NRXN3: variants seen among roughly 807,000 people sequenced by gnomAD.
The protein encoded by NRXN3 is neurexin 3.
Under a neutral mutation model 137.6 loss-of-function variants are expected in NRXN3, and 32 were observed. The ratio of observed to expected loss-of-function variants is 0.23; its 90% confidence interval spans 0.18 to 0.31. NRXN3 has a LOEUF of 0.31. Ranked by LOEUF, NRXN3 falls within the 10% of genes least tolerant of loss-of-function variation. The pLI is 1.00. For synonymous variants in NRXN3, 798 were observed against 784.5 expected (o/e 1.02, Z -0.29); for missense variants, 1,574 against 2,062.5 (o/e 0.76, Z 4.59).
At chr14:79,116,249 T>C (rs1340619433) in intron 15 of NRXN3, among the ~76,000 whole-genome samples, 1 of 152,060 alleles carries the variant, frequency 6.6e-6, no homozygotes, top group African/African-American at 2.4e-5. Flanking sequence ...GTGGGGGTTG[T>C]CCTCCATTAC....
chr14:78,840,628 C>A (rs1160647092), intron 10 of NRXN3, among the ~76,000 whole-genome samples: 1 of 151,910 alleles, frequency 6.6e-6, no homozygotes, highest in Non-Finnish European at 1.5e-5. Flanking sequence ...ACTGAGGGAG[C>A]CTTTACTATC....
chr14:78,754,223 C>A (rs976462825), intron 8 of NRXN3, among the ~76,000 whole-genome samples: 2 of 152,124 alleles, frequency 1.3e-5, no homozygotes, highest in Non-Finnish European at 2.9e-5. Flanking sequence ...GGTAGGAACC[C>A]ACCACACTGG....
rs144208051 is a variant in NRXN3 at position 79,636,288 on chromosome 14, C to T, written c.3445-27490C>T. Among the ~76,000 whole-genome samples the T allele has an allele frequency of 4.6e-5, 7 of 152,328 alleles. No homozygotes were observed. The East Asian group carries it at 5.8e-4, about 13-fold the overall frequency. ...ACTGTACTTTTTCAGAATATCAGTA[C>T]GATGGTGCCCCTAATCAACAAATAT... On this transcript the variant is annotated intron_variant, in intron 16 of 20. Transcript: ENST00000335750.
chr14:78,538,245 G>A (rs528776326), intron 4 of NRXN3, among the ~76,000 whole-genome samples: 1 of 152,286 alleles, frequency 6.6e-6, no homozygotes, highest in Admixed American at 6.5e-5. Flanking sequence ...CTATCCATGA[G>A]CATGGAATGT....
intron 19 of NRXN3, among the ~76,000 whole-genome samples, chr14:79,726,113 C>T (rs1317718475): frequency 3.3e-5 from 5 of 152,130 alleles, no homozygotes. Flanking sequence ...GCATTCCTAT[C>T]TCAAAAACCA....
chr14:79,267,319 A>T (rs1364174864), intron 15 of NRXN3, among the ~76,000 whole-genome samples: 1 of 152,146 alleles, frequency 6.6e-6, no homozygotes, highest in African/African-American at 2.4e-5. Context: ...TATAGTTAAG[A>T]GAAAGCATCT....
At chr14:78,712,278 C>T (rs895794126) in intron 7 of NRXN3, among the ~76,000 whole-genome samples, 1 of 152,158 alleles carries the variant, frequency 6.6e-6, no homozygotes, top group African/African-American at 2.4e-5. Flanking sequence ...ACCTCAACTT[C>T]CTCCTTTGTA....
intron 4 of NRXN3, among the ~76,000 whole-genome samples, chr14:78,388,256 G>A (rs149236900): frequency 2.9e-4 from 44 of 152,308 alleles, no homozygotes; most frequent in African/African-American, 1.0e-3. Flanking sequence ...CTCCAAGTGC[G>A]AGGCTCCTTT....
intron 20 of NRXN3, among the ~76,000 whole-genome samples, chr14:79,851,930 C>T (rs1377491415): frequency 6.6e-6 from 1 of 151,970 alleles, no homozygotes; most frequent in Non-Finnish European, 1.5e-5. Flanking sequence ...AGTTTACAGA[C>T]ACTGATATTG....
chr14:78,773,858 G>C (rs1340944013), intron 8 of NRXN3, among the ~76,000 whole-genome samples: 1 of 152,098 alleles, frequency 6.6e-6, no homozygotes, highest in Non-Finnish European at 1.5e-5. Context: ...TTGGAGTGCA[G>C]TGGCGCGATC....
At chr14:78,818,797 C>T (rs757709807) in intron 10 of NRXN3, among the ~76,000 whole-genome samples, 1 of 152,108 alleles carries the variant, frequency 6.6e-6, no homozygotes, top group Non-Finnish European at 1.5e-5. Flanking sequence ...GAGGAATTCT[C>T]ATAGACTGAG....
intron 2 of NRXN3, among the ~76,000 whole-genome samples, chr14:78,259,913 C>A (rs147883009): frequency 6.6e-6 from 1 of 152,072 alleles, no homozygotes; most frequent in East Asian, 1.9e-4. Context: ...GGAGGGGCAA[C>A]GCCTTCATTT....
At chr14:78,843,056 G>C (rs2099016992) in intron 10 of NRXN3, among the ~76,000 whole-genome samples, 1 of 152,126 alleles carries the variant, frequency 6.6e-6, no homozygotes, top group Non-Finnish European at 1.5e-5. Flanking sequence ...AAGATGATGG[G>C]AATAAGAGAT....
intron 15 of NRXN3, among the ~76,000 whole-genome samples, chr14:79,362,320 C>G (rs2153419941): frequency 6.6e-6 from 1 of 150,710 alleles, no homozygotes; most frequent in South Asian, 2.1e-4. Context: ...CCACCACAGG[C>G]CCCAGTGTAA....
chr14:79,111,572 C>T (rs1291076142), intron 15 of NRXN3, among the ~76,000 whole-genome samples: 2 of 152,046 alleles, frequency 1.3e-5, no homozygotes, highest in African/African-American at 2.4e-5. Context: ...AACCCCATCT[C>T]TACTAAAAAT....
intron 15 of NRXN3, among the ~76,000 whole-genome samples, chr14:79,220,260 T>C (rs75976069): frequency 0.014 from 2,128 of 152,302 alleles, 19 homozygotes; most frequent in Non-Finnish European, 0.02. Context: ...ATATTTTGTT[T>C]ACTATGGTTG....
chr14:78,213,851 A>G (rs2062988767), intron 1 of NRXN3, among the ~76,000 whole-genome samples: 1 of 152,070 alleles, frequency 6.6e-6, no homozygotes. Flanking sequence ...ATTTTTCCAG[A>G]CCCGGGGACA....
At chr14:79,811,276 G>A (rs1435321590) in intron 20 of NRXN3, among the ~76,000 whole-genome samples, 1 of 152,144 alleles carries the variant, frequency 6.6e-6, no homozygotes, top group Non-Finnish European at 1.5e-5. Context: ...TCTAAGATAA[G>A]CATTTTAGCT....
At chr14:79,076,796 G>T (rs776942133) in intron 15 of NRXN3, among the ~76,000 whole-genome samples, 1 of 152,286 alleles carries the variant, frequency 6.6e-6, no homozygotes, top group Non-Finnish European at 1.5e-5. Flanking sequence ...GCATGAAATA[G>T]ACATTAGACA....
Sources: allele counts gnomAD v4.1 joint callset (sites outside exome capture counted in the v4.1 genomes callset), GRCh38; gene constraint gnomAD v4.1.1; transcripts MANE v1.5; gene names NCBI Gene and HGNC (gene_info 2026-07-23, HGNC 2026-07-21).